The following ABCC4 variants were observed in gnomAD, a reference collection of about 807,000 sequenced individuals.
ABCC4 encodes ATP-binding cassette sub-family C member 4.
Under a neutral mutation model 168.5 loss-of-function variants are expected in ABCC4, and 102 were observed. That is an observed-to-expected ratio of 0.61 (90% CI 0.52 to 0.71). ABCC4 has a LOEUF of 0.71. Ranked by LOEUF, ABCC4 falls within the 30% of genes least tolerant of loss-of-function variation. ABCC4 has a pLI of 0.00. For missense variants in ABCC4, 1,402 were observed against 1,605.8 expected (o/e 0.87, Z 2.17); for synonymous variants, 617 against 590.7 (o/e 1.04, Z -0.65).
Position 95,234,740 on chromosome 13 carries a change from G to T in ABCC4, c.401C>A (p.Ala134Glu), listed in dbSNP as rs929768802. 3.7e-6 allele frequency: 6 copies of T among 1,613,988 alleles called. No individual in the cohort carries two copies. The highest frequency in any genetic ancestry group is 4.2e-6 in the Non-Finnish European group (5 of 1,179,976). The stretch of plus-strand genomic sequence containing the variant: ...AGTCAGCACCGTGGCATAGGCGTAC[G>T]CTGTGTTCAAAGCCACAGAATCCAT... ...DPMDSVALNT[A>E]YAYATVLTFC... is the part of the protein sequence containing the mutation. Residue 134 changes from alanine (A) to glutamate (E), a missense_variant, in exon 4 of 31, where the codon GCG becomes GAG. This residue lies in a region of ABCC4 where 317 missense variants were observed against 345.5 expected (regional missense o/e 0.92). Coordinates refer to ENST00000645237, the MANE Select transcript of ABCC4 (RefSeq NM_005845.5).
chr13:95,197,564 C>T lies in ABCC4; in HGVS notation c.1162-2627G>A, dbSNP rs183901959. The stretch of plus-strand genomic sequence containing the variant: ...GCTGGAGGGGCTAGCTGGACTTTCT[C>T]TAGTCACTCAGGAGGGTGAAAAAGC... On this transcript the variant is annotated intron_variant, in intron 8 of 30. Transcript: ENST00000645237. Among the ~76,000 whole-genome samples, 3 of 152,274 alleles carry T rather than the reference C, an allele frequency of 2.0e-5. No homozygotes were observed. In the East Asian group the frequency reaches 5.8e-4, roughly 29 times the overall value.
chr13:95,223,938 AGACT>A (rs1261062650), intron 4 of ABCC4, among the ~76,000 whole-genome samples: 1 of 152,222 alleles, frequency 6.6e-6, no homozygotes, highest in Non-Finnish European at 1.5e-5. Flanking sequence ...AAAGTGAAAA[AGACT>A]GACTGTCCTA....
intron 20 of ABCC4, among the ~76,000 whole-genome samples, chr13:95,107,074 T>G (rs1051946423): frequency 6.6e-5 from 10 of 152,118 alleles, no homozygotes; most frequent in African/African-American, 2.4e-4. Context: ...CTGGCCAACA[T>G]GGTGAAACCC....
intron 3 of ABCC4, among the ~76,000 whole-genome samples, chr13:95,242,632 C>T (rs910145057): frequency 2.6e-5 from 4 of 152,176 alleles, no homozygotes; most frequent in Non-Finnish European, 5.9e-5. Flanking sequence ...AAATAATCAT[C>T]CCTTGGCATC....
chr13:95,096,139 G>T (rs1400682306), intron 20 of ABCC4: 4 of 637,502 alleles, frequency 6.3e-6, no homozygotes, highest in Non-Finnish European at 1.1e-5. Context: ...TTGAGCCTAG[G>T]AGTTTGAGAC....
chr13:95,084,242 C>A (rs1416211500), intron 20 of ABCC4, among the ~76,000 whole-genome samples: 1 of 152,100 alleles, frequency 6.6e-6, no homozygotes, highest in Non-Finnish European at 1.5e-5. Flanking sequence ...CAGATGGAGA[C>A]ACTGAGGCAC....
At chr13:95,205,564 C>T (rs1002904955) in intron 8 of ABCC4, among the ~76,000 whole-genome samples, 1 of 152,208 alleles carries the variant, frequency 6.6e-6, no homozygotes, top group Non-Finnish European at 1.5e-5. Flanking sequence ...ACATTATGTG[C>T]CAGGACCTTA....
chr13:95,167,900 T>C (rs1025401306), intron 14 of ABCC4, among the ~76,000 whole-genome samples: 4 of 152,114 alleles, frequency 2.6e-5, no homozygotes, highest in Non-Finnish European at 5.9e-5. Context: ...AGGGTCTCAG[T>C]CTGTTGCCCA....
At chr13:95,186,053 G>A (rs770607489) in intron 11 of ABCC4, among the ~76,000 whole-genome samples, 2 of 151,950 alleles carry the variant, frequency 1.3e-5, no homozygotes, top group African/African-American at 4.8e-5. Context: ...CAAGTGCACG[G>A]TGCAGACATC....
intron 9 of ABCC4, among the ~76,000 whole-genome samples, chr13:95,193,305 A>T (rs2038316266): frequency 1.3e-5 from 2 of 152,190 alleles, no homozygotes; most frequent in South Asian, 4.1e-4. Flanking sequence ...AGAGGGGAGG[A>T]GCTGGTCACC....
chr13:95,057,425 A>G (rs2033105602), intron 26 of ABCC4, among the ~76,000 whole-genome samples: 1 of 152,104 alleles, frequency 6.6e-6, no homozygotes, highest in African/African-American at 2.4e-5. Flanking sequence ...TTTTTAGTAG[A>G]GACGGGGTTT....
At chr13:95,118,264 T>A (rs2035446873) in intron 19 of ABCC4, among the ~76,000 whole-genome samples, 1 of 152,118 alleles carries the variant, frequency 6.6e-6, no homozygotes, top group African/African-American at 2.4e-5. Context: ...AATTTTTTTT[T>A]TTTTTTGAGA....
At chr13:95,210,207 G>A (rs77234068) in intron 5 of ABCC4, among the ~76,000 whole-genome samples, 2,554 of 152,332 alleles carry the variant, frequency 0.017, 36 homozygotes, top group Non-Finnish European at 0.026. Flanking sequence ...GGGCGGGTAT[G>A]GTGTTCACAC....
chr13:95,225,738 ATT>A (rs1475997750), intron 4 of ABCC4, among the ~76,000 whole-genome samples: 1 of 151,808 alleles, frequency 6.6e-6, no homozygotes, highest in Non-Finnish European at 1.5e-5. Flanking sequence ...GAATTATGGC[ATT>A]CTTTTTTAAA....
At chr13:95,062,933 A>G in intron 25 of ABCC4, 74 bp from the exon 26 acceptor site, 1 of 1,530,652 alleles carries the variant, frequency 6.5e-7, no homozygotes, top group South Asian at 1.3e-5. Flanking sequence ...ACTAGGAGAA[A>G]ACTTTCGGTT....
intron 1 of ABCC4, among the ~76,000 whole-genome samples, chr13:95,263,132 G>A (rs749483302): frequency 2.6e-5 from 4 of 152,062 alleles, no homozygotes; most frequent in African/African-American, 9.7e-5. Flanking sequence ...AGAAAAAAAC[G>A]TGTGTTACAG....
At chr13:95,190,883 T>C (rs1173582538) in intron 9 of ABCC4, among the ~76,000 whole-genome samples, 1 of 152,230 alleles carries the variant, frequency 6.6e-6, no homozygotes, top group East Asian at 1.9e-4. Context: ...CGGAAGTGGC[T>C]ATTCTTCTGC....
chr13:95,145,904 A>C (rs1244369827), intron 19 of ABCC4, among the ~76,000 whole-genome samples: 1 of 152,188 alleles, frequency 6.6e-6, no homozygotes, highest in Non-Finnish European at 1.5e-5. Context: ...CATTTAGTAC[A>C]TGTGGACTCT....
chr13:95,214,454 T>G (rs1280512667), intron 4 of ABCC4, among the ~76,000 whole-genome samples: 1 of 151,964 alleles, frequency 6.6e-6, no homozygotes, highest in African/African-American at 2.4e-5. Context: ...GCAAGTTCAA[T>G]GAAGGACAAA....
Sources: gnomAD v4.1 joint callset for allele counts (sites outside exome capture counted in the v4.1 genomes callset) on GRCh38, gnomAD v4.1.1 for gene constraint, gnomAD v4.1.1 regional missense constraint, MANE v1.5 for transcripts, NCBI Gene and HGNC (gene_info 2026-07-23, HGNC 2026-07-21) for gene names.